The following TAF3 variants were observed in gnomAD, a reference collection of about 807,000 sequenced individuals.
TAF3 encodes TATA-box binding protein associated factor 3, also known as transcription initiation factor TFIID subunit 3.
TAF3 carries 7 observed loss-of-function variants against 80.6 expected under a neutral mutation model. The ratio of observed to expected loss-of-function variants is 0.09; its 90% CI spans 0.05 to 0.16. The LOEUF is 0.16. Ranked by LOEUF, TAF3 falls within the 10% of genes least tolerant of loss-of-function variation. The pLI is 1.00. For missense variants in TAF3, 921 were observed against 1,140.2 expected (o/e 0.81, Z 2.77); for synonymous variants, 444 against 446.1 (o/e 1.00, Z 0.06).
At chr10:7,980,865 G>A (rs965551739) in intron 4 of TAF3, among the ~76,000 whole-genome samples, 1 of 152,180 alleles carries the variant, frequency 6.6e-6, no homozygotes, top group Non-Finnish European at 1.5e-5. Context: ...CAGGTTATTT[G>A]TCCTCCCCAT....
chr10:7,869,748 C>A (rs1837247726), intron 2 of TAF3, among the ~76,000 whole-genome samples: 1 of 152,248 alleles, frequency 6.6e-6, no homozygotes, highest in Non-Finnish European at 1.5e-5. Context: ...CGGACTGCCT[C>A]CTTCCCTGTG....
chr10:7,990,786 G>GAGC (rs1831825931), intron 4 of TAF3, among the ~76,000 whole-genome samples: 1 of 152,164 alleles, frequency 6.6e-6, no homozygotes, highest in Non-Finnish European at 1.5e-5. Flanking sequence ...AGAGGAAGAG[G>GAGC]AGCACAGGAG....
intron 2 of TAF3, among the ~76,000 whole-genome samples, chr10:7,826,915 G>A (rs1256521543): frequency 6.6e-6 from 1 of 152,098 alleles, no homozygotes; most frequent in African/African-American, 2.4e-5. Context: ...GCAAAGTGAG[G>A]TACAGAGGTG....
At chr10:7,923,920 G>A (rs117270373) in intron 2 of TAF3, among the ~76,000 whole-genome samples, 3 of 152,096 alleles carry the variant, frequency 2.0e-5, no homozygotes, top group Admixed American at 6.6e-5. Flanking sequence ...GTTGAATTTC[G>A]ATTTGGAAAT....
At chr10:7,963,869 G>A (rs1411684199) in intron 2 of TAF3, 51 bp from the exon 3 acceptor site, 1 of 1,448,250 alleles carries the variant, frequency 6.9e-7, no homozygotes, top group East Asian at 2.4e-5. Flanking sequence ...CTTAGGTTTT[G>A]TTACATTCCA....
intron 4 of TAF3, among the ~76,000 whole-genome samples, chr10:7,982,140 T>G (rs1831732271): frequency 6.6e-6 from 1 of 152,140 alleles, no homozygotes; most frequent in South Asian, 2.1e-4. Context: ...TAATAGTAAA[T>G]GTTTTTTATC....
chr10:7,962,032 G>T (rs914256529), intron 2 of TAF3, among the ~76,000 whole-genome samples: 2 of 151,894 alleles, frequency 1.3e-5, no homozygotes, highest in Non-Finnish European at 2.9e-5. Context: ...GTATTTTTTA[G>T]TAAAGATGGG....
At chr10:7,880,576 C>T (rs1837351667) in intron 2 of TAF3, among the ~76,000 whole-genome samples, 1 of 152,180 alleles carries the variant, frequency 6.6e-6, no homozygotes, top group Non-Finnish European at 1.5e-5. Context: ...GTATGATAGA[C>T]ATAATCCTGC....
intron 4 of TAF3, among the ~76,000 whole-genome samples, chr10:7,988,327 C>T (rs183656661): frequency 6.6e-4 from 100 of 151,862 alleles, no homozygotes; most frequent in Non-Finnish European, 9.3e-4. Context: ...CAGTGGCTCA[C>T]GCTTATAATC....
intron 2 of TAF3, among the ~76,000 whole-genome samples, chr10:7,907,577 A>G (rs1837618061): frequency 6.6e-6 from 1 of 152,204 alleles, no homozygotes; most frequent in Non-Finnish European, 1.5e-5. Flanking sequence ...AGAAATTATG[A>G]GGGTAATACA....
chr10:7,829,029 CAAAAAAAA>C (rs59969868), intron 2 of TAF3, among the ~76,000 whole-genome samples: 20 of 66,834 alleles, frequency 3.0e-4, no homozygotes, highest in Middle Eastern at 0.019. Context: ...GACTCCGTCT[CAAAAAAAA>C]AAAAAAAAAA....
At chr10:7,887,233 A>T (rs78984256) in intron 2 of TAF3, among the ~76,000 whole-genome samples, 3 of 91,296 alleles carry the variant, frequency 3.3e-5, no homozygotes, top group South Asian at 3.9e-4. Context: ...CTCTGTATTT[A>T]AAAAAAAAAA....
intron 4 of TAF3, among the ~76,000 whole-genome samples, chr10:7,987,795 C>G (rs1033626028): frequency 6.6e-6 from 1 of 152,172 alleles, no homozygotes; most frequent in Admixed American, 6.5e-5. Flanking sequence ...CCTGTGAGTT[C>G]ATTTCATAGA....
rs749437125 is a variant in TAF3 at position 8,009,261 on chromosome 10, C to T, written c.2499C>T (p.Pro833=). ...CTGCCCTGCTGCCCTCCCCGGGTCC[C>T]GCCGCCTCCGGGGCCAGTGCCAAAG... ...AGPALLPSPG[P]AASGASAKAP... is the part of the protein sequence containing the mutation. The change falls in exon 5 of 7, where the codon CCC becomes CCT. Residue 833 remains proline, a synonymous_variant. Transcript: ENST00000344293. This position sits in a 1 kb window ranked among gnomAD's most constrained non-coding sequence, Gnocchi z 4.1. The T allele has an allele frequency of 1.2e-5, 19 of 1,552,366 alleles. No homozygotes were observed. The highest frequency in any genetic ancestry group is 5.1e-5 in the East Asian group (2 of 39,336).
At chr10:7,980,303 A>G (rs1048780490) in intron 4 of TAF3, among the ~76,000 whole-genome samples, 5 of 152,232 alleles carry the variant, frequency 3.3e-5, no homozygotes, top group African/African-American at 9.6e-5. Context: ...GACAGTATTT[A>G]CTTTCTGAGT....
intron 2 of TAF3, among the ~76,000 whole-genome samples, chr10:7,948,228 A>G (rs530369153): frequency 2.4e-3 from 354 of 149,910 alleles, no homozygotes; most frequent in Non-Finnish European, 3.9e-3. Flanking sequence ...GGGCCCTACT[A>G]ATTTTTTTTT....
chr10:7,827,333 G>A (rs1013225968), intron 2 of TAF3, among the ~76,000 whole-genome samples: 1 of 147,784 alleles, frequency 6.8e-6, no homozygotes, highest in Non-Finnish European at 1.5e-5. Flanking sequence ...ATTTTTTTTT[G>A]TTAACACATT....
intron 2 of TAF3, among the ~76,000 whole-genome samples, chr10:7,827,066 C>G (rs981739509): frequency 6.6e-6 from 1 of 152,136 alleles, no homozygotes; most frequent in African/African-American, 2.4e-5. Flanking sequence ...AGCCACTCAG[C>G]TTGGTTCATG....
chr10:7,976,445 C>G (rs1831673753), intron 3 of TAF3, among the ~76,000 whole-genome samples: 1 of 148,318 alleles, frequency 6.7e-6, no homozygotes, highest in African/African-American at 2.5e-5. Context: ...GACGGAGTCT[C>G]GCTGTGTTGC....
Sources: allele counts gnomAD v4.1 joint callset (sites outside exome capture counted in the v4.1 genomes callset), GRCh38; gene constraint gnomAD v4.1.1; non-coding constraint Gnocchi (gnomAD v3.1); transcripts MANE v1.5; gene names NCBI Gene and HGNC (gene_info 2026-07-23, HGNC 2026-07-21).